Variants in MED13L observed in about 807,000 individuals in gnomAD.
MED13L encodes the protein mediator complex subunit 13L.
In MED13L, 7 loss-of-function variants were observed where a neutral mutation model predicts 220.9. That is an observed-to-expected ratio of 0.03 (90% CI 0.02 to 0.06). The LOEUF is 0.06. Ranked by LOEUF, MED13L falls within the 10% of genes least tolerant of loss-of-function variation. The pLI, the probability that MED13L is intolerant of heterozygous loss-of-function variation, is 1.00. For missense variants in MED13L, 1,965 were observed against 2,760.5 expected, an observed-to-expected ratio of 0.71 and a Z score of 6.46; for synonymous variants, 1,011 against 1,015.2, an observed-to-expected ratio of 1.00 and a Z score of 0.08.
At chr12:116,007,094 G>A in intron 11 of MED13L, 1 of 375,908 alleles carries the variant, frequency 2.7e-6, no homozygotes, top group Non-Finnish European at 5.0e-6. Context: ...GGGTAGTTCG[G>A]AATAATATTT....
chr12:116,218,666 T>C (rs575791872), intron 2 of MED13L, among the ~76,000 whole-genome samples: 24 of 151,436 alleles, frequency 1.6e-4, no homozygotes, highest in African/African-American at 5.6e-4. Flanking sequence ...CAACACAAAA[T>C]CTGTAATTTA....
In MED13L at chr12:115,991,317, C is replaced by T; in HGVS notation, c.3637G>A (p.Glu1213Lys). 6.2e-7 allele frequency: 1 copy of T among 1,614,014 alleles called. No individual in the cohort carries two copies. The highest frequency in any genetic ancestry group is 8.5e-7 in the Non-Finnish European group (1 of 1,180,002). Residue 1213 changes from glutamate to lysine, a missense_variant, in exon 17 of 31, where the codon GAA (glutamate) becomes AAA (lysine). By Grantham distance (56) the Glu-to-Lys change is moderately conservative. This residue lies in a region of MED13L where 165 missense variants were observed against 190.8 expected (regional missense o/e 0.86). Coordinates refer to ENST00000281928, the MANE Select transcript of MED13L (RefSeq NM_015335.5). The surrounding 1 kb of genome is among the most constrained non-coding windows in gnomAD (Gnocchi z 7.7). Reference sequence around the variant, plus strand: ...GGCTCCTGGGGTTTTTTGGTTCCTTCCACCTGAGGAAGGAAGGTGGACTGA... The same window carrying T: ...GGCTCCTGGGGTTTTTTGGTTCCTTTCACCTGAGGAAGGAAGGTGGACTGA... ...MCQSTFLPQVEGTKKPQEPPI... is the reference protein window; with the variant it reads ...MCQSTFLPQVKGTKKPQEPPI...
At chr12:116,063,857 T>C (rs944814308) in intron 4 of MED13L, among the ~76,000 whole-genome samples, 10 of 152,092 alleles carry the variant, frequency 6.6e-5, no homozygotes, top group Admixed American at 3.3e-4. Flanking sequence ...CCCACACAGA[T>C]ACCAAAATCC....
At position 116,063,827 on chromosome 12, in the gene MED13L, G is replaced by A. The variant is rs116929195; in HGVS notation, c.479+32842C>T. Among the ~76,000 whole-genome samples, 12 of 152,070 alleles carry A rather than the reference G, an allele frequency of 7.9e-5. No homozygotes were observed. The East Asian group carries it at 2.1e-3, about 27-fold the overall frequency. On this transcript the variant is annotated intron_variant, in intron 4 of 30. Transcript: ENST00000281928. ...GGTAGAGTCATCCCACTGTACCTAC[G>A]GGGGATTGGTTCCAGGGCCCCCACA...
At chr12:116,146,116 A>AT (rs1041101649) in intron 2 of MED13L, among the ~76,000 whole-genome samples, 11 of 151,982 alleles carry the variant, frequency 7.2e-5, no homozygotes, top group East Asian at 5.8e-4. Flanking sequence ...CTATTTTGAG[A>AT]TTTTTTTGTT....
At chr12:115,976,622 CAT>C (rs1442243884) in intron 23 of MED13L, among the ~76,000 whole-genome samples, 1 of 152,038 alleles carries the variant, frequency 6.6e-6, no homozygotes, top group Non-Finnish European at 1.5e-5. Context: ...CTTTTGAGTA[CAT>C]ATATAGTTTA....
intron 1 of MED13L, chr12:116,276,668 G>A: frequency 8.4e-7 from 1 of 1,186,788 alleles, no homozygotes; most frequent in Non-Finnish European, 1.1e-6. Flanking sequence ...AGAGGTTGCC[G>A]ATCGGAGGCG....
At chr12:116,250,413 T>C (rs1451562295) in intron 1 of MED13L, among the ~76,000 whole-genome samples, 1 of 151,608 alleles carries the variant, frequency 6.6e-6, no homozygotes, top group Non-Finnish European at 1.5e-5. Context: ...GAAACCTGGA[T>C]CTACACAAAA....
chr12:115,996,522 G>T lies in MED13L; in HGVS notation c.2950C>A (p.Gln984Lys), dbSNP rs1376289620. 2.5e-6 allele frequency: 4 copies of T among 1,614,192 alleles called. No individual in the cohort carries two copies. Among genetic ancestry groups the T allele is most frequent in the Middle Eastern group, 1.6e-4 (1 of 6,062 alleles). The change falls in exon 16 of 31, where the codon CAA becomes AAA. Residue 984 changes from glutamine to lysine, a missense_variant. Transcript: ENST00000281928. ...GTGGCTGCAGGGGGCATGGGCAGTT[G>T]TTCAATTTTAGGAGGAATTGCCCAT... ...PSWAIPPKIEQLPMPPAATFI... is the reference protein window; with the variant it reads ...PSWAIPPKIEKLPMPPAATFI...
At chr12:115,987,504 A>G (rs1291595551) in intron 17 of MED13L, among the ~76,000 whole-genome samples, 4 of 152,236 alleles carry the variant, frequency 2.6e-5, no homozygotes, top group African/African-American at 9.6e-5. Context: ...AAAAGGGGAA[A>G]TGGATTACTC....
chr12:116,064,743 T>C (rs1402732351), intron 4 of MED13L, among the ~76,000 whole-genome samples: 5 of 152,104 alleles, frequency 3.3e-5, no homozygotes, highest in African/African-American at 1.2e-4. Flanking sequence ...GGCAGCTTCT[T>C]CTCCTTACAG....
At chr12:115,961,513 C>A in intron 30 of MED13L, 115 bp from the exon 31 acceptor site, 2 of 1,395,746 alleles carry the variant, frequency 1.4e-6, no homozygotes, top group African/African-American at 1.4e-5. Flanking sequence ...CATTCCTTAA[C>A]TTGCCCCAGG....
At chr12:116,276,511 T>C (rs1300102399) in intron 1 of MED13L, 17 of 1,284,932 alleles carry the variant, frequency 1.3e-5, no homozygotes, top group Non-Finnish European at 1.7e-5. Flanking sequence ...ATGTTTACAA[T>C]CGCGGGAGCT....
At chr12:116,226,429 T>G (rs1472433149) in intron 2 of MED13L, among the ~76,000 whole-genome samples, 3 of 152,304 alleles carry the variant, frequency 2.0e-5, no homozygotes, top group African/African-American at 7.2e-5. Context: ...CAAAAATATT[T>G]ACATAGATGG....
chr12:116,173,836 T>C (rs1294812677), intron 2 of MED13L, among the ~76,000 whole-genome samples: 1 of 152,132 alleles, frequency 6.6e-6, no homozygotes. Flanking sequence ...AGTGCAAACA[T>C]GTATGTTAAA....
At chr12:116,061,102 A>G (rs1373480245) in intron 4 of MED13L, among the ~76,000 whole-genome samples, 1 of 152,226 alleles carries the variant, frequency 6.6e-6, no homozygotes, top group Non-Finnish European at 1.5e-5. Flanking sequence ...TAACTTAGTA[A>G]GACTATAGAT....
At chr12:115,975,942 C>T (rs1437209105) in intron 23 of MED13L, among the ~76,000 whole-genome samples, 1 of 152,034 alleles carries the variant, frequency 6.6e-6, no homozygotes, top group Non-Finnish European at 1.5e-5. Flanking sequence ...CTGGGAAACT[C>T]AATCAAGCCA....
chr12:115,985,364 T>A (rs1046124161), intron 19 of MED13L, among the ~76,000 whole-genome samples: 1 of 152,226 alleles, frequency 6.6e-6, no homozygotes, highest in African/African-American at 2.4e-5. Flanking sequence ...CATGTTAGCA[T>A]CTCCTCATTT....
chr12:116,238,968 G>A (rs374851623), intron 1 of MED13L, among the ~76,000 whole-genome samples: 1 of 152,048 alleles, frequency 6.6e-6, no homozygotes, highest in East Asian at 1.9e-4. Context: ...GGTGGCGTGT[G>A]CCTGTAATCT....
Sources: gnomAD v4.1 joint callset for allele counts (sites outside exome capture counted in the v4.1 genomes callset) on GRCh38, gnomAD v4.1.1 for gene constraint, gnomAD v4.1.1 regional missense constraint, Gnocchi (gnomAD v3.1) non-coding constraint, MANE v1.5 for transcripts, NCBI Gene and HGNC (gene_info 2026-07-23, HGNC 2026-07-21) for gene names.